The following IDUA variants were observed in gnomAD, a reference collection of about 807,000 sequenced individuals.
IDUA encodes alpha-L-iduronidase, also known as iduronidase alpha-L-.
A neutral mutation model predicts 68.9 loss-of-function variants in IDUA; 65 were observed. The ratio of observed to expected loss-of-function variants is 0.94; its 90% CI spans 0.77 to 1.16. The LOEUF (loss-of-function observed/expected upper bound fraction) is 1.16. Ranked by LOEUF, IDUA falls within the 50% of genes most tolerant of loss-of-function variation. The pLI, the probability that IDUA is intolerant of heterozygous loss-of-function variation, is 0.00. For missense variants in IDUA, 1,046 were observed against 938.0 expected (o/e 1.12, Z -1.50); for synonymous variants, 529 against 433.6 (o/e 1.22, Z -2.73).
In IDUA at chr4:1,002,064, A is replaced by G; in HGVS notation, c.875A>G (p.Asp292Gly). Residue 292 changes from aspartate to glycine, a missense_variant, in exon 7 of 14, where the codon GAC (aspartate) becomes GGC (glycine). Transcript: ENST00000514224. ...CGGCAGCTCTTCCCCAAGTTCGCGG[A>G]CACCCCCATTTACAACGACGAGGCG... ...QIRQLFPKFA[D>G]TPIYNDEADP... 1.3e-6 allele frequency: 2 copies of G among 1,594,476 alleles called. No individual in the cohort carries two copies. Among genetic ancestry groups the G allele is most frequent in the Non-Finnish European group, 8.5e-7 (1 of 1,172,250 alleles).
In IDUA at chr4:1,002,020, G is replaced by C. The variant is rs750930336; in HGVS notation, c.831G>C (p.Lys277Asn). ...CCATCTCCATCCTGGAGCAGGAGAA[G>C]GTCGTCGCGCAGCAGATCCGGCAGC... ...RSSISILEQE[K>N]VVAQQIRQLF... is the part of the protein sequence containing the mutation. The change falls in exon 7 of 14, where the codon AAG (lysine) becomes AAC (asparagine). Residue 277 changes from lysine (K) to asparagine (N), a missense_variant. By Grantham distance (94) the Lys-to-Asn change is moderately conservative. Coordinates refer to ENST00000514224, the MANE Select transcript of IDUA (RefSeq NM_000203.5). 4 of 1,597,386 alleles carry C rather than the reference G, an allele frequency of 2.5e-6. No individual in the cohort carries two copies. Among genetic ancestry groups the C allele is most frequent in the Admixed American group, 1.8e-5 (1 of 56,970 alleles).
rs1271649540 is a variant in IDUA, at chr4:991,625, G to C, written c.299+3676G>C. ...AGCCTGGCCTTCAGCATCTCACGCA[G>C]ACCCCGGGGTGCTGGGCGCTGCCGT... On this transcript the variant is annotated intron_variant, in intron 2 of 13. Transcript: ENST00000514224. 6.3e-7 allele frequency: 1 copy of C among 1,583,194 alleles called. No individual in the cohort carries two copies. Among genetic ancestry groups the C allele is most frequent in the Non-Finnish European group, 8.5e-7 (1 of 1,170,988 alleles).
intron 2 of IDUA, among the ~76,000 whole-genome samples, chr4:999,116 A>G (rs1462347661): frequency 6.6e-6 from 1 of 151,794 alleles, no homozygotes; most frequent in African/African-American, 2.4e-5. Flanking sequence ...GAGGCAGGAG[A>G]ATGGTGTGAA....
chr4:1,004,243 T>C lies in IDUA; in HGVS notation c.1829-17T>C. 3 of 1,609,436 alleles carry C rather than the reference T, an allele frequency of 1.9e-6. No homozygotes were observed. In the East Asian group the frequency reaches 6.7e-5, roughly 36 times the overall value. Reference sequence around the variant, plus strand: ...GGGGGCAGGTTCCGGTTGGCACACATGTCCCCTTGTCTCCAGACACAGGTG... The same window carrying C: ...GGGGGCAGGTTCCGGTTGGCACACACGTCCCCTTGTCTCCAGACACAGGTG... On this transcript the variant is annotated splice_polypyrimidine_tract_variant and intron_variant, in intron 13 of 13. Coordinates refer to ENST00000514224, the MANE Select transcript of IDUA (RefSeq NM_000203.5). The surrounding 1 kb of genome is among the most constrained non-coding windows in gnomAD (Gnocchi z 5.0).
intron 1 of IDUA, among the ~76,000 whole-genome samples, chr4:987,443 A>G (rs1713823067): frequency 6.6e-6 from 1 of 152,060 alleles, no homozygotes; most frequent in Non-Finnish European, 1.5e-5. Context: ...CGCCCCCTGC[A>G]GCCCAGGCCG....
Position 989,748 on chromosome 4 carries a change from G to A in IDUA, c.299+1799G>A, listed in dbSNP as rs748168266. On this transcript the variant is annotated intron_variant, in intron 2 of 13. Coordinates refer to ENST00000514224, the MANE Select transcript of IDUA (RefSeq NM_000203.5). ...TCTTCACCAGGCTCTTGGCCAGGGC[G>A]GCGCTGGTGGCGAAGCAGTGGAGGA... 1.3e-5 allele frequency: 21 copies of A among 1,556,272 alleles called. No individual in the cohort carries two copies. In the South Asian group the frequency reaches 1.8e-4, roughly 13 times the overall value.
rs559676638 is a variant in IDUA, at chr4:1,002,835, C to T, written c.1293C>T (p.Ala431=). 747 of 1,454,064 alleles carry T rather than the reference C, an allele frequency of 5.1e-4. 3 individuals are homozygous for T. In the African/African-American group the frequency reaches 0.01, roughly 20 times the overall value. The allele number at this position is 1,454,064 out of a possible 1,614,324, so 90.1% of individuals were successfully genotyped here. A position where few individuals can be genotyped will look rare whatever the true frequency, so the allele number is the denominator to read the frequency against. The stretch of plus-strand genomic sequence containing the variant: ...GCGCCCACCGCCCCCAGGGCCCGGC[C>T]GACGCCTGGCGCGCCGCGGTGCTGA... ...LASAHRPQGP[A]DAWRAAVLIY... The change falls in exon 9 of 14, where the codon GCC becomes GCT. Residue 431 remains alanine, a synonymous_variant. Coordinates refer to ENST00000514224, the MANE Select transcript of IDUA (RefSeq NM_000203.5).
rs1441908136 is a variant in IDUA, at chr4:1,002,122, G to A, written c.933G>A (p.Pro311=). Residue 311 remains proline, a synonymous_variant, in exon 7 of 14, where the codon CCG becomes CCA. Transcript: ENST00000514224. The stretch of plus-strand genomic sequence containing the variant: ...TGGTGGGCTGGTCCCTGCCACAGCC[G>A]TGGAGGGCGGACGTGACCTACGCGG... The part of the protein sequence containing the change: ...DPLVGWSLPQ[P]WRADVTYAAM... 4 of 1,567,872 alleles carry A rather than the reference G, an allele frequency of 2.6e-6. No homozygotes were observed. The African/African-American group carries it at 4.1e-5, about 16-fold the overall frequency.
At chr4:997,665 T>C (rs1404668372) in intron 2 of IDUA, among the ~76,000 whole-genome samples, 1 of 152,074 alleles carries the variant, frequency 6.6e-6, no homozygotes, top group South Asian at 2.1e-4. Flanking sequence ...TCTCCGGCCC[T>C]GGGGGTGGGC....
rs762533612 is a variant in IDUA at position 1,001,508 on chromosome 4, G to A, written c.534G>A (p.Glu178=). 6.8e-6 allele frequency: 11 copies of A among 1,613,166 alleles called. No individual in the cohort carries two copies. In the East Asian group the frequency reaches 1.3e-4, roughly 20 times the overall value. Residue 178 remains glutamate (E), a synonymous_variant, in exon 5 of 14, where the codon GAG becomes GAA. Coordinates refer to ENST00000514224, the MANE Select transcript of IDUA (RefSeq NM_000203.5). ...CGCATGTTTCCAAGTGGAACTTCGA[G>A]ACGTGGAATGAGCCAGACCACCACG... ...GLAHVSKWNF[E]TWNEPDHHDF...
At position 1,001,725 on chromosome 4, in the gene IDUA, C is replaced by T; in HGVS notation, c.636C>T (p.Ala212=). 2 of 1,599,430 alleles carry T rather than the reference C, an allele frequency of 1.3e-6. No homozygotes were observed. Among genetic ancestry groups the T allele is most frequent in the South Asian group, 1.1e-5 (1 of 90,760 alleles). The change falls in exon 6 of 14, where the codon GCC becomes GCT. Residue 212 remains alanine, a synonymous_variant. Transcript: ENST00000514224. ...CCTGCTCGGAGGGTCTGCGCGCCGCCAGCCCCGCCCTGCGGCTGGGAGGCC... is the reference window on the plus strand; with the variant it reads ...CCTGCTCGGAGGGTCTGCGCGCCGCTAGCCCCGCCCTGCGGCTGGGAGGCC... ...YDACSEGLRA[A]SPALRLGGPG...
chr4:999,521 C>T (rs879371349), intron 2 of IDUA, among the ~76,000 whole-genome samples: 12 of 152,258 alleles, frequency 7.9e-5, no homozygotes, highest in Admixed American at 5.2e-4. Flanking sequence ...AGAGGTCCCT[C>T]GCTGACCATC....
At position 1,001,755 on chromosome 4, in the gene IDUA, C is replaced by G. The variant is rs200411359; in HGVS notation, c.666C>G (p.Gly222=). 2 of 1,597,428 alleles carry G rather than the reference C, an allele frequency of 1.3e-6. No individual in the cohort carries two copies. The highest frequency in any genetic ancestry group is 1.7e-5 in the Admixed American group (1 of 59,206). The change falls in exon 6 of 14, where the codon GGC becomes GGG. Residue 222 remains glycine (G), a synonymous_variant. Coordinates refer to ENST00000514224, the MANE Select transcript of IDUA (RefSeq NM_000203.5). ...ASPALRLGGP[G]DSFHTPPRSP... ...CCGCCCTGCGGCTGGGAGGCCCCGG[C>G]GACTCCTTCCACACCCCACCGCGAT...
At chr4:989,681 C>G (rs1395466649) in intron 2 of IDUA, 3 of 1,565,040 alleles carry the variant, frequency 1.9e-6, no homozygotes, top group Non-Finnish European at 2.6e-6. Flanking sequence ...ACCACGGTGG[C>G]GCTGACCACG....
intron 2 of IDUA, chr4:989,955 C>A: frequency 1.3e-6 from 2 of 1,555,840 alleles, no homozygotes; most frequent in South Asian, 1.2e-5. Context: ...CCTGAGGGGG[C>A]ATGAAACCCG....
intron 2 of IDUA, among the ~76,000 whole-genome samples, chr4:997,684 C>G (rs577663675): frequency 6.6e-6 from 1 of 152,270 alleles, no homozygotes; most frequent in South Asian, 2.1e-4. Flanking sequence ...GCTGCGCGCT[C>G]CATCTCGCCG....
intron 2 of IDUA, among the ~76,000 whole-genome samples, chr4:1,000,293 G>A (rs1714993955): frequency 6.6e-6 from 1 of 152,234 alleles, no homozygotes; most frequent in East Asian, 1.9e-4. Flanking sequence ...GGTCCTGCCT[G>A]GCTCCTGACC....
In IDUA at chr4:1,002,083, C is replaced by A. The variant is rs1031564096; in HGVS notation, c.894C>A (p.Asp298Glu). 1.9e-6 allele frequency: 3 copies of A among 1,582,056 alleles called. No individual in the cohort carries two copies. The highest frequency in any genetic ancestry group is 1.7e-4 in the Middle Eastern group (1 of 6,022). ...PKFADTPIYN[D>E]EADPLVGWSL... ...TCGCGGACACCCCCATTTACAACGA[C>A]GAGGCGGACCCGCTGGTGGGCTGGT... The change falls in exon 7 of 14, where the codon GAC (aspartate) becomes GAA (glutamate). Residue 298 changes from aspartate (D) to glutamate (E), a missense_variant. Asp to Glu is a conservative substitution (Grantham distance 45, BLOSUM62 2). Transcript: ENST00000514224.
chr4:1,001,357 G>A (rs1292676296), intron 4 of IDUA, 111 bp from the exon 5 acceptor site: 3 of 925,370 alleles, frequency 3.2e-6, no homozygotes, highest in Non-Finnish European at 5.4e-6. Context: ...CCTGCATGGA[G>A]ATGGGGTTCA....
Sources: gnomAD v4.1 joint callset for allele counts (sites outside exome capture counted in the v4.1 genomes callset) on GRCh38, gnomAD v4.1.1 for gene constraint, Gnocchi (gnomAD v3.1) non-coding constraint, MANE v1.5 for transcripts, NCBI Gene and HGNC (gene_info 2026-07-23, HGNC 2026-07-21) for gene names.